The following MAOA variants were observed in gnomAD, a reference collection of about 807,000 sequenced individuals.
The protein encoded by MAOA is amine oxidase [flavin-containing] A.
MAOA carries 6 observed loss-of-function variants against 42.0 expected under a neutral mutation model. The ratio of observed to expected loss-of-function variants is 0.14; its 90% confidence interval spans 0.08 to 0.28. The LOEUF (loss-of-function observed/expected upper bound fraction) is 0.28, where lower values mean the gene tolerates loss of function less well. MAOA is among the 10% of genes least tolerant of loss of function. The pLI, the probability that MAOA is intolerant of heterozygous loss-of-function variation, is 1.00. For synonymous variants in MAOA, 140 were observed against 154.0 expected, an observed-to-expected ratio of 0.91 and a Z score of 0.67; for missense variants, 262 against 422.3, an observed-to-expected ratio of 0.62 and a Z score of 3.33.
chrX:43,675,649 C>T lies in MAOA; in HGVS notation c.74-7864C>T, dbSNP rs760776447. On this transcript the variant is annotated intron_variant, in intron 1 of 14. Coordinates refer to ENST00000338702, the MANE Select transcript of MAOA (RefSeq NM_000240.4). Reference sequence around the variant, plus strand: ...GGATGTCCTTTCTGTTTGTTAGTTTCCCTTCTAACAGACAGGACCCTCAGC... The same window carrying T: ...GGATGTCCTTTCTGTTTGTTAGTTTTCCTTCTAACAGACAGGACCCTCAGC... 1.6e-3 allele frequency among the ~76,000 whole-genome samples: 182 copies of T among 112,262 alleles called. 2 individuals are homozygous for T. Among genetic ancestry groups the T allele is most frequent in the African/African-American group, 5.8e-3 (180 of 30,941 alleles).
intron 1 of MAOA, among the ~76,000 whole-genome samples, chrX:43,681,271 A>G (rs923676995): frequency 2.7e-5 from 3 of 111,736 alleles, no homozygotes; most frequent in Admixed American, 9.5e-5. Flanking sequence ...ATTGTACAAA[A>G]CTAAGAAATA....
chrX:43,685,221 T>C (rs1445540927), intron 2 of MAOA, among the ~76,000 whole-genome samples: 1 of 111,566 alleles, frequency 9.0e-6, no homozygotes, highest in Non-Finnish European at 1.9e-5. Flanking sequence ...TGTCTTGTGG[T>C]AACAAGATGG....
intron 10 of MAOA, among the ~76,000 whole-genome samples, chrX:43,739,159 T>A (rs2033942677): frequency 8.9e-6 from 1 of 112,262 alleles, no homozygotes; most frequent in Non-Finnish European, 1.9e-5. Context: ...GGGGCTTGAA[T>A]CAGGCTGAGA....
intron 10 of MAOA, among the ~76,000 whole-genome samples, chrX:43,736,586 T>G (rs749074847): frequency 6.3e-5 from 7 of 111,690 alleles, no homozygotes; most frequent in Non-Finnish European, 1.1e-4. Flanking sequence ...CGAATCCCAA[T>G]CCTCTTTCAA....
chrX:43,663,894 T>C (rs1466191194), intron 1 of MAOA, among the ~76,000 whole-genome samples: 3 of 112,118 alleles, frequency 2.7e-5, no homozygotes, highest in Non-Finnish European at 5.6e-5. Context: ...TTTAGATCAG[T>C]GATTCTTGAC....
chrX:43,657,300 G>A lies in MAOA; in HGVS notation c.73+886G>A, dbSNP rs1309526557. Among the ~76,000 whole-genome samples, 13 of 102,875 alleles carry A rather than the reference G, an allele frequency of 1.3e-4. No individual in the cohort carries two copies. In the South Asian group the frequency reaches 3.9e-3, roughly 31 times the overall value. 89.3% of individuals were successfully genotyped at this position (102,875 alleles called of 115,157 possible). A position where few individuals can be genotyped will look rare whatever the true frequency, so the allele number is the denominator to read the frequency against. On this transcript the variant is annotated intron_variant, in intron 1 of 14. Transcript: ENST00000338702. Reference sequence around the variant, plus strand: ...ATATATATATATATATGAACTGTGTGTGTGTATATATATATATGAACTTGC... The same window carrying A: ...ATATATATATATATATGAACTGTGTATGTGTATATATATATATGAACTTGC...
chrX:43,705,279 T>A (rs1182326033), intron 3 of MAOA, among the ~76,000 whole-genome samples: 1 of 112,441 alleles, frequency 8.9e-6, no homozygotes, highest in Non-Finnish European at 1.9e-5. Context: ...AACATATAGG[T>A]AAATGGAGTA....
intron 3 of MAOA, among the ~76,000 whole-genome samples, chrX:43,702,221 C>T (rs1288873232): frequency 3.6e-5 from 4 of 111,993 alleles, no homozygotes; most frequent in Non-Finnish European, 7.5e-5. Flanking sequence ...CTCTGTATCA[C>T]GTGCAGACTC....
chrX:43,680,519 G>T (rs973419556), intron 1 of MAOA, among the ~76,000 whole-genome samples: 9 of 110,631 alleles, frequency 8.1e-5, no homozygotes, highest in Non-Finnish European at 1.3e-4. Context: ...AATTTAATTT[G>T]TTCCTTCCTT....
chrX:43,690,879 A>G (rs1371486861), intron 2 of MAOA, among the ~76,000 whole-genome samples: 7 of 111,897 alleles, frequency 6.3e-5, no homozygotes, highest in Non-Finnish European at 1.1e-4. Context: ...AAAAGGCTAT[A>G]TATGAATAAG....
At chrX:43,704,341 C>T (rs762424359) in intron 3 of MAOA, among the ~76,000 whole-genome samples, 72 of 111,772 alleles carry the variant, frequency 6.4e-4, no homozygotes, top group Non-Finnish European at 1.3e-3. Context: ...ATACAAAAAT[C>T]CAATAATGTA....
At chrX:43,709,535 G>A (rs941954163) in intron 3 of MAOA, among the ~76,000 whole-genome samples, 1 of 110,903 alleles carries the variant, frequency 9.0e-6, no homozygotes, top group African/African-American at 3.3e-5. Context: ...TCAGCCTCCC[G>A]GGCAATATTT....
intron 2 of MAOA, among the ~76,000 whole-genome samples, chrX:43,688,655 A>G (rs1283933251): frequency 1.8e-5 from 2 of 112,271 alleles, no homozygotes; most frequent in African/African-American, 3.2e-5. Context: ...TTTCTGCTTG[A>G]AAAGAACATG....
chrX:43,709,612 A>C (rs1001301056), intron 3 of MAOA, among the ~76,000 whole-genome samples: 1 of 111,174 alleles, frequency 9.0e-6, no homozygotes. Flanking sequence ...CCTTGACTAT[A>C]CGTACATTTT....
chrX:43,696,438 C>CA (rs1047854315), intron 3 of MAOA, among the ~76,000 whole-genome samples: 20 of 112,086 alleles, frequency 1.8e-4, no homozygotes, highest in African/African-American at 5.8e-4. Flanking sequence ...AAAATAAAAA[C>CA]AAAAAAAGAG....
chrX:43,733,470 C>G (rs367996588), intron 9 of MAOA, among the ~76,000 whole-genome samples: 1 of 111,671 alleles, frequency 9.0e-6, no homozygotes, highest in Admixed American at 9.5e-5. Context: ...CTGTCCTACT[C>G]GTTGGGGGCT....
chrX:43,703,242 C>G (rs1362783154), intron 3 of MAOA, among the ~76,000 whole-genome samples: 1 of 111,323 alleles, frequency 9.0e-6, no homozygotes, highest in Non-Finnish European at 1.9e-5. Context: ...CTCCCAGACA[C>G]TGTGATACAC....
intron 3 of MAOA, among the ~76,000 whole-genome samples, chrX:43,701,471 T>C (rs1026711264): frequency 8.9e-6 from 1 of 112,108 alleles, no homozygotes; most frequent in Non-Finnish European, 1.9e-5. Flanking sequence ...AGGTGTACAG[T>C]TAATTCAGTA....
chrX:43,664,335 G>C (rs1377844990), intron 1 of MAOA, among the ~76,000 whole-genome samples: 1 of 111,910 alleles, frequency 8.9e-6, no homozygotes, highest in South Asian at 3.7e-4. Flanking sequence ...AGTTTTCAAA[G>C]ATTGTTTATT....
Sources: gnomAD v4.1 joint callset for allele counts (sites outside exome capture counted in the v4.1 genomes callset) on GRCh38, gnomAD v4.1.1 for gene constraint, MANE v1.5 for transcripts, NCBI Gene and HGNC (gene_info 2026-07-23, HGNC 2026-07-21) for gene names.